NELL1: variants seen among roughly 807,000 people sequenced by gnomAD.
The protein encoded by NELL1 is neural EGFL like 1, also known as protein kinase C-binding protein NELL1.
A neutral mutation model predicts 107.4 loss-of-function variants in NELL1; 76 were observed. The ratio of observed to expected loss-of-function variants is 0.71; its 90% CI spans 0.59 to 0.86. NELL1 has a LOEUF of 0.86. Among genes scored for constraint, NELL1 ranks in the 40% least tolerant of loss-of-function variants. NELL1 has a pLI of 0.00. For synonymous variants in NELL1, 353 were observed against 341.2 expected (o/e 1.03, Z -0.38); for missense variants, 1,024 against 1,005.5 (o/e 1.02, Z -0.25).
chr11:21,465,330 C>T (rs1489050235), intron 15 of NELL1, among the ~76,000 whole-genome samples: 1 of 152,108 alleles, frequency 6.6e-6, no homozygotes, highest in East Asian at 1.9e-4. Context: ...CACAAAGTCA[C>T]CCAATTAGTA....
At chr11:21,097,728 A>G (rs1380659410) in intron 12 of NELL1, among the ~76,000 whole-genome samples, 1 of 152,206 alleles carries the variant, frequency 6.6e-6, no homozygotes, top group East Asian at 1.9e-4. Context: ...GGAAGTTAAC[A>G]GGCTAAATCC....
At chr11:21,028,274 A>G (rs1484601083) in intron 12 of NELL1, among the ~76,000 whole-genome samples, 1 of 152,104 alleles carries the variant, frequency 6.6e-6, no homozygotes, top group South Asian at 2.1e-4. Context: ...TCTCCCGGTG[A>G]TTCTAACATG....
At chr11:20,698,899 A>G (rs1373641016) in intron 2 of NELL1, among the ~76,000 whole-genome samples, 2 of 152,172 alleles carry the variant, frequency 1.3e-5, no homozygotes, top group African/African-American at 4.8e-5. Context: ...TTGGTTTTCC[A>G]TTCCTGAGTT....
chr11:20,720,202 G>GTTTTTTTTTTTTTTTT (rs72275946), intron 2 of NELL1, among the ~76,000 whole-genome samples: 2 of 141,058 alleles, frequency 1.4e-5, no homozygotes, highest in Non-Finnish European at 3.0e-5. Flanking sequence ...GTTCATTCCT[G>GTTTTTTTTTTTTTTTT]TTTTTTTTTT....
At chr11:21,249,053 C>T (rs899894456) in intron 14 of NELL1, among the ~76,000 whole-genome samples, 1 of 152,130 alleles carries the variant, frequency 6.6e-6, no homozygotes, top group African/African-American at 2.4e-5. Context: ...TGCCTGAAGT[C>T]AGGACCACCC....
intron 2 of NELL1, among the ~76,000 whole-genome samples, chr11:20,755,533 G>GTTTTTTTTTT (rs1564894850): frequency 6.6e-5 from 4 of 60,576 alleles, no homozygotes; most frequent in Admixed American, 1.9e-4. Context: ...GACCTGTGTG[G>GTTTTTTTTTT]GTTTTTGTTT....
chr11:21,296,856 A>C (rs1264956877), intron 14 of NELL1, among the ~76,000 whole-genome samples: 1 of 151,498 alleles, frequency 6.6e-6, no homozygotes, highest in African/African-American at 2.4e-5. Flanking sequence ...AAGAAAAGAT[A>C]ATATTTCTAT....
At chr11:21,222,428 C>A (rs890539661) in intron 13 of NELL1, among the ~76,000 whole-genome samples, 1 of 151,342 alleles carries the variant, frequency 6.6e-6, no homozygotes, top group Non-Finnish European at 1.5e-5. Flanking sequence ...GATCTCCTGA[C>A]CTCATGATCT....
rs12273925 is a variant in NELL1 at position 21,397,472 on chromosome 11, A to G, written c.1645+26524A>G. Among the ~76,000 whole-genome samples, 1,401 of 151,794 alleles carry G rather than the reference A, an allele frequency of 9.2e-3. 15 individuals carry two copies. The highest frequency in any genetic ancestry group is 0.032 in the African/African-American group (1,316 of 41,506). On this transcript the variant is annotated intron_variant, in intron 15 of 19. Transcript: ENST00000357134. ...AAAGAGGAAATATGTATATTACTCT[A>G]TTTACTTCCACCTAGTATTTCCGTG...
At chr11:20,748,382 C>T (rs1363732864) in intron 2 of NELL1, among the ~76,000 whole-genome samples, 3 of 152,184 alleles carry the variant, frequency 2.0e-5, no homozygotes, top group Non-Finnish European at 2.9e-5. Flanking sequence ...TGCCAACACT[C>T]AATTAGCTTA....
chr11:21,469,536 G>A (rs550669543), intron 15 of NELL1, among the ~76,000 whole-genome samples: 56 of 151,974 alleles, frequency 3.7e-4, no homozygotes, highest in Admixed American at 1.2e-3. Context: ...ATAGCTCTTT[G>A]CAGTTTTGGA....
chr11:21,511,711 A>G (rs1320357756), intron 15 of NELL1, among the ~76,000 whole-genome samples: 1 of 152,200 alleles, frequency 6.6e-6, no homozygotes, highest in Non-Finnish European at 1.5e-5. Context: ...AGGTAGATGC[A>G]AAGGCTCATG....
intron 15 of NELL1, among the ~76,000 whole-genome samples, chr11:21,394,878 C>T (rs183486362): frequency 2.0e-5 from 3 of 151,520 alleles, no homozygotes; most frequent in East Asian, 2.0e-4. Flanking sequence ...TATTTGTCCA[C>T]GAGCTACAAG....
chr11:20,797,486 A>C (rs907271982), intron 3 of NELL1, among the ~76,000 whole-genome samples: 1 of 128,140 alleles, frequency 7.8e-6, no homozygotes, highest in Non-Finnish European at 1.8e-5. Flanking sequence ...GAATGGCGTG[A>C]ACCTGGGAGG....
At chr11:20,825,351 G>A (rs550584468) in intron 3 of NELL1, among the ~76,000 whole-genome samples, 14 of 151,242 alleles carry the variant, frequency 9.3e-5, no homozygotes, top group Admixed American at 2.0e-4. Context: ...TAGATCTACC[G>A]ACATCTTGTG....
At position 21,337,759 on chromosome 11, in the gene NELL1, TC is replaced by T. The variant is rs1435998438; in HGVS notation, c.1550-33093del. On this transcript the variant is annotated intron_variant, in intron 14 of 19. Transcript: ENST00000357134. Reference sequence around the variant, plus strand: ...TCCTTTCTTTCTTTCTTTCTTTCTTTCTTTCTTTCTTTCTTTCTTTCTTTCT... The same window carrying T: ...TCCTTTCTTTCTTTCTTTCTTTCTTTTTTCTTTCTTTCTTTCTTTCTTTCT... Among the ~76,000 whole-genome samples the T allele has an allele frequency of 2.4e-4, 34 of 143,620 alleles. 1 individual carries two copies. Among genetic ancestry groups the T allele is most frequent in the Admixed American group, 2.2e-3 (32 of 14,246 alleles). 94.2% of individuals were successfully genotyped at this position (143,620 alleles called of 152,430 possible).
Position 21,425,930 on chromosome 11 carries a change from C to T in NELL1, c.1645+54982C>T, listed in dbSNP as rs375201092. Among the ~76,000 whole-genome samples the T allele has an allele frequency of 3.9e-5, 6 of 152,168 alleles. 1 individual carries two copies. Among genetic ancestry groups the T allele is most frequent in the African/African-American group, 1.4e-4 (6 of 41,514 alleles). On this transcript the variant is annotated intron_variant, in intron 15 of 19. Coordinates refer to ENST00000357134, the MANE Select transcript of NELL1 (RefSeq NM_006157.5). ...TCAAGAAACGAGCAGTATAAGAAAG[C>T]TGTTTATAAATGTGGAGGTAAATGC... is the stretch of plus-strand genomic sequence containing the variant.
Position 20,783,810 on chromosome 11 carries a change from C to G in NELL1, c.315C>G (p.Ser105=). 3.7e-6 allele frequency: 6 copies of G among 1,612,852 alleles called. No homozygotes were observed. Among genetic ancestry groups the G allele is most frequent in the Non-Finnish European group, 5.1e-6 (6 of 1,179,514 alleles). The change falls in exon 3 of 20, where the codon TCC becomes TCG. Residue 105 remains serine, a synonymous_variant. Coordinates refer to ENST00000357134, the MANE Select transcript of NELL1 (RefSeq NM_006157.5). ...CATCCACTTCAGGAGTGATACTGTC[C>G]ATTCGAGAACTGGAGCACAGGTAAG... is the stretch of plus-strand genomic sequence containing the variant. The part of the protein sequence containing the change: ...QKPSTSGVIL[S]IRELEHSYFE...
intron 13 of NELL1, among the ~76,000 whole-genome samples, chr11:21,165,514 G>A (rs772516878): frequency 6.6e-6 from 1 of 152,028 alleles, no homozygotes; most frequent in Non-Finnish European, 1.5e-5. Flanking sequence ...CAGTTTGGAG[G>A]TTCCTCAAAA....
Sources: gnomAD v4.1 joint callset for allele counts (sites outside exome capture counted in the v4.1 genomes callset) on GRCh38, gnomAD v4.1.1 for gene constraint, MANE v1.5 for transcripts, NCBI Gene and HGNC (gene_info 2026-07-23, HGNC 2026-07-21) for gene names.